PDCD1LG2: variants seen among roughly 807,000 people sequenced by gnomAD.
PDCD1LG2 encodes the protein programmed cell death 1 ligand 2.
Under a neutral mutation model 28.2 loss-of-function variants are expected in PDCD1LG2, and 32 were observed. The observed-to-expected ratio is 1.13, with a 90% CI of 0.86 to 1.52. The LOEUF is 1.52. Ranked by LOEUF, PDCD1LG2 falls within the 40% of genes most tolerant of loss-of-function variation. The probability of loss-of-function intolerance (pLI) is 0.00; values close to 1 mark genes in which losing one functional copy is unlikely to be tolerated. For synonymous variants in PDCD1LG2, 116 were observed against 120.2 expected (o/e 0.97, Z 0.23); for missense variants, 385 against 323.8 (o/e 1.19, Z -1.45).
chr9:5,560,169 T>C (rs1816531284), intron 5 of PDCD1LG2, among the ~76,000 whole-genome samples: 1 of 152,256 alleles, frequency 6.6e-6, no homozygotes, highest in South Asian at 2.1e-4. Context: ...TCTGTTTTAA[T>C]AGCTTGGACT....
chr9:5,559,586 G>A (rs932263928), intron 5 of PDCD1LG2, among the ~76,000 whole-genome samples: 1 of 152,226 alleles, frequency 6.6e-6, no homozygotes, highest in African/African-American at 2.4e-5. Flanking sequence ...AGCAGCAAGA[G>A]AAGGAACATT....
At chr9:5,551,864 C>A (rs10975177) in intron 4 of PDCD1LG2, among the ~76,000 whole-genome samples, 7,742 of 152,222 alleles carry the variant, frequency 0.051, 635 homozygotes, top group African/African-American at 0.17. Context: ...AGCCTTCCAG[C>A]TGGGAGGCAG....
chr9:5,516,448 C>T (rs1820165838), intron 1 of PDCD1LG2, among the ~76,000 whole-genome samples: 1 of 152,212 alleles, frequency 6.6e-6, no homozygotes, highest in Admixed American at 6.5e-5. Context: ...TAAGTTCTTA[C>T]CCCAGGCTGT....
chr9:5,534,784 T>C lies in PDCD1LG2; in HGVS notation c.95T>C (p.Ile32Thr), dbSNP rs369302753. The C allele has an allele frequency of 3.1e-6, 5 of 1,613,824 alleles. No homozygotes were observed. Among genetic ancestry groups the C allele is most frequent in the East Asian group, 2.2e-5 (1 of 44,892 alleles). ...TVTVPKELYI[I>T]EHGSNVTLEC... Reference sequence around the variant, plus strand: ...ACAGTCCCTAAGGAACTGTACATAATAGAGCATGGCAGCAATGTGACCCTG... The same window carrying C: ...ACAGTCCCTAAGGAACTGTACATAACAGAGCATGGCAGCAATGTGACCCTG... The change falls in exon 3 of 7, where the codon ATA (isoleucine) becomes ACA (threonine). Residue 32 changes from isoleucine to threonine, a missense_variant. By Grantham distance (89) the Ile-to-Thr change is moderately conservative. Coordinates refer to ENST00000397747, the MANE Select transcript of PDCD1LG2 (RefSeq NM_025239.4).
At position 5,522,520 on chromosome 9, in the gene PDCD1LG2, T is replaced by A. The variant is rs371139267; in HGVS notation, c.-14-13T>A. 2 of 1,606,206 alleles carry A rather than the reference T, an allele frequency of 1.2e-6. No homozygotes were observed. The highest frequency in any genetic ancestry group is 1.7e-5 in the Admixed American group (1 of 59,132). On this transcript the variant is annotated splice_polypyrimidine_tract_variant and intron_variant, in intron 1 of 6. Transcript: ENST00000397747. ...TTTCACAAGGCCCTGAGACTTTCAA[T>A]TGTCTATTTCAGATCAAATACAGAA...
At chr9:5,541,526 T>A (rs139980324) in intron 3 of PDCD1LG2, among the ~76,000 whole-genome samples, 1 of 152,092 alleles carries the variant, frequency 6.6e-6, no homozygotes, top group Non-Finnish European at 1.5e-5. Context: ...ACAAAATTAA[T>A]GTACACAAAT....
chr9:5,546,679 G>C (rs1440983653), intron 3 of PDCD1LG2, among the ~76,000 whole-genome samples: 1 of 152,140 alleles, frequency 6.6e-6, no homozygotes, highest in Non-Finnish European at 1.5e-5. Context: ...ATTACACAGA[G>C]ACACATCCTC....
intron 5 of PDCD1LG2, among the ~76,000 whole-genome samples, chr9:5,560,835 G>T (rs1292804125): frequency 6.6e-6 from 1 of 152,210 alleles, no homozygotes; most frequent in East Asian, 1.9e-4. Context: ...TATTGGGAGG[G>T]CAGCCATTAT....
At position 5,563,053 on chromosome 9, in the gene PDCD1LG2, C is replaced by T. The variant is rs567058986; in HGVS notation, c.767-109C>T. 1.1e-3 allele frequency: 989 copies of T among 915,866 alleles called. 3 individuals are homozygous for T. The highest frequency in any genetic ancestry group is 1.1e-3 in the Non-Finnish European group (640 of 590,382). The allele number at this position is 915,866 out of a possible 1,614,324, so 56.7% of individuals were successfully genotyped here. A position where few individuals can be genotyped will look rare whatever the true frequency, so the allele number is the denominator to read the frequency against. ...CAGGCCACAGTGAACATTTGGGCTT[C>T]GCTATGTGGATTTATTTAGATTTAC... On this transcript the variant is annotated intron_variant, in intron 5 of 6. Transcript: ENST00000397747.
At chr9:5,534,636 C>CAGGT in intron 2 of PDCD1LG2, 109 bp from the exon 3 acceptor site, 1 of 934,552 alleles carries the variant, frequency 1.1e-6, no homozygotes. Flanking sequence ...CCAGATAAGA[C>CAGGT]AGGTGCCTTT....
chr9:5,516,955 C>T (rs183363891), intron 1 of PDCD1LG2, among the ~76,000 whole-genome samples: 7 of 152,302 alleles, frequency 4.6e-5, no homozygotes, highest in East Asian at 1.9e-4. Context: ...TGGGAGCATG[C>T]GGTTCCCACC....
At chr9:5,543,873 T>TG (rs375042789) in intron 3 of PDCD1LG2, among the ~76,000 whole-genome samples, 213 of 4,178 alleles carry the variant, frequency 0.051, 1 homozygote, top group African/African-American at 0.16. Flanking sequence ...TTCAATGGGG[T>TG]GGGGGGGAGG....
chr9:5,551,945 G>A (rs7869190), intron 4 of PDCD1LG2, among the ~76,000 whole-genome samples: 41,395 of 151,964 alleles, frequency 0.27, 6,262 homozygotes, highest in African/African-American at 0.39. Flanking sequence ...TGCTGCTGTG[G>A]ATCCCAAGCC....
intron 2 of PDCD1LG2, among the ~76,000 whole-genome samples, chr9:5,523,187 T>C (rs918438980): frequency 3.3e-5 from 5 of 152,140 alleles, no homozygotes; most frequent in Non-Finnish European, 7.4e-5. Context: ...AGGACTTCTA[T>C]TGGAGGATGA....
chr9:5,529,468 G>T (rs1346299263), intron 2 of PDCD1LG2, among the ~76,000 whole-genome samples: 1 of 152,184 alleles, frequency 6.6e-6, no homozygotes, highest in East Asian at 1.9e-4. Flanking sequence ...TCATATTTAT[G>T]TGGGTCTATT....
chr9:5,518,100 G>T (rs1182451914), intron 1 of PDCD1LG2, among the ~76,000 whole-genome samples: 1 of 152,138 alleles, frequency 6.6e-6, no homozygotes, highest in Non-Finnish European at 1.5e-5. Flanking sequence ...GCTTAAGGTG[G>T]GTGTTGCTAC....
At chr9:5,530,861 G>A (rs1820469532) in intron 2 of PDCD1LG2, among the ~76,000 whole-genome samples, 1 of 152,180 alleles carries the variant, frequency 6.6e-6, no homozygotes, top group Non-Finnish European at 1.5e-5. Flanking sequence ...GCAAATCACC[G>A]TGACCTTCTT....
Position 5,522,468 on chromosome 9 carries a change from G to C in PDCD1LG2, c.-14-65G>C, listed in dbSNP as rs566004995. 1.6e-4 allele frequency: 205 copies of C among 1,289,618 alleles called. No homozygotes were observed. The South Asian group carries it at 2.6e-3, about 16-fold the overall frequency. 79.9% of individuals were successfully genotyped at this position (1,289,618 alleles called of 1,614,324 possible). ...TTGTTATTCCCCTGTTTTCAAAAGT[G>C]AACAAAGAACCAAAGACCCAGCAAA... On this transcript the variant is annotated intron_variant, in intron 1 of 6. Coordinates refer to ENST00000397747, the MANE Select transcript of PDCD1LG2 (RefSeq NM_025239.4).
chr9:5,540,782 A>T lies in PDCD1LG2; in HGVS notation c.361+5732A>T, dbSNP rs56204834. 6.2e-3 allele frequency among the ~76,000 whole-genome samples: 945 copies of T among 152,314 alleles called. 10 individuals carry two copies. Among genetic ancestry groups the T allele is most frequent in the African/African-American group, 0.022 (908 of 41,574 alleles). ...GATTCATAGCTGAATTCTATCAGACATTCAAAGAAGAATTGGTACCAATTC... is the reference window on the plus strand; with the variant it reads ...GATTCATAGCTGAATTCTATCAGACTTTCAAAGAAGAATTGGTACCAATTC... On this transcript the variant is annotated intron_variant, in intron 3 of 6. Transcript: ENST00000397747.
Sources: gnomAD v4.1 joint callset for allele counts (sites outside exome capture counted in the v4.1 genomes callset) on GRCh38, gnomAD v4.1.1 for gene constraint, MANE v1.5 for transcripts, NCBI Gene and HGNC (gene_info 2026-07-23, HGNC 2026-07-21) for gene names.